WLS: variants seen among roughly 807,000 people sequenced by gnomAD.
WLS encodes the protein protein wntless homolog.
A neutral mutation model predicts 62.8 loss-of-function variants in WLS; 23 were observed. That is an observed-to-expected ratio of 0.37 (90% CI 0.26 to 0.52). The LOEUF (loss-of-function observed/expected upper bound fraction) is 0.52, where lower values mean the gene tolerates loss of function less well. WLS is among the 20% of genes least tolerant of loss of function. The pLI is 0.92. For missense variants in WLS, 615 were observed against 697.3 expected, an observed-to-expected ratio of 0.88 and a Z score of 1.33; for synonymous variants, 246 against 244.1, an observed-to-expected ratio of 1.01 and a Z score of -0.07.
intron 2 of WLS, among the ~76,000 whole-genome samples, chr1:68,189,402 T>C (rs1648160771): frequency 1.3e-5 from 2 of 152,220 alleles, no homozygotes; most frequent in Admixed American, 1.3e-4. Context: ...TTGTGAACAG[T>C]ATATTTTTTC....
At chr1:68,167,965 A>C (rs941977975) in intron 2 of WLS, among the ~76,000 whole-genome samples, 1 of 152,292 alleles carries the variant, frequency 6.6e-6, no homozygotes, top group South Asian at 2.1e-4. Context: ...GGAAGCATCA[A>C]CTAATTGTAT....
downstream of WLS, among the ~76,000 whole-genome samples, chr1:68,123,974 C>A (rs1646393966): frequency 9.2e-6 from 1 of 108,752 alleles, no homozygotes; most frequent in African/African-American, 2.9e-5. Context: ...CTAGAGTTGG[C>A]TCCTACTTAG....
At chr1:68,107,633 G>GA (rs923608168) in intron 11 of WLS, among the ~76,000 whole-genome samples, 2 of 152,066 alleles carry the variant, frequency 1.3e-5, no homozygotes, top group Non-Finnish European at 2.9e-5. Flanking sequence ...AGAGAAGGGG[G>GA]AAAAAAACAT....
intron 2 of WLS, chr1:68,162,440 C>T (rs1218618813): frequency 7.4e-6 from 12 of 1,613,756 alleles, no homozygotes; most frequent in Non-Finnish European, 9.3e-6. Flanking sequence ...AGGGATCGCT[C>T]GATCCCATCC....
At position 68,224,466 on chromosome 1, in the gene WLS, T is replaced by C. The variant is rs536631228; in HGVS notation, c.106+7728A>G. On this transcript the variant is annotated intron_variant, in intron 1 of 11. Transcript: ENST00000262348. Reference sequence around the variant, plus strand: ...TTCTTCAACAGCTACCTTCAGGACCTACGATGTATGCTAAATCCAGGGAAC... The same window carrying C: ...TTCTTCAACAGCTACCTTCAGGACCCACGATGTATGCTAAATCCAGGGAAC... 2.6e-4 allele frequency among the ~76,000 whole-genome samples: 39 copies of C among 152,332 alleles called. No individual in the cohort carries two copies. The South Asian group carries it at 7.2e-3, about 28-fold the overall frequency.
At chr1:68,133,160 C>CGT (rs776630076) in intron 11 of WLS, among the ~76,000 whole-genome samples, 4 of 151,902 alleles carry the variant, frequency 2.6e-5, no homozygotes, top group African/African-American at 4.8e-5. Flanking sequence ...TATATGTGCA[C>CGT]GTGTGTGTGT....
At chr1:68,103,361 C>A (rs1446630104) in intron 11 of WLS, among the ~76,000 whole-genome samples, 2 of 152,206 alleles carry the variant, frequency 1.3e-5, no homozygotes, top group African/African-American at 2.4e-5. Context: ...CAGGTTGGCT[C>A]CCCTTGTGAT....
At chr1:68,155,493 C>T (rs976198903) in intron 3 of WLS, among the ~76,000 whole-genome samples, 1 of 152,152 alleles carries the variant, frequency 6.6e-6, no homozygotes, top group Admixed American at 6.5e-5. Flanking sequence ...AAGGTAGAAC[C>T]AGAAATTTTA....
At chr1:68,217,299 T>A (rs1462831322) in intron 1 of WLS, among the ~76,000 whole-genome samples, 1 of 152,206 alleles carries the variant, frequency 6.6e-6, no homozygotes, top group African/African-American at 2.4e-5. Flanking sequence ...ACTTCTCCCA[T>A]GCACCAACAG....
intron 11 of WLS, among the ~76,000 whole-genome samples, chr1:68,114,424 A>G (rs964098249): frequency 2.0e-5 from 3 of 152,166 alleles, no homozygotes; most frequent in African/African-American, 7.2e-5. Flanking sequence ...AAGAATCTAT[A>G]ATGATGATGA....
intron 2 of WLS, among the ~76,000 whole-genome samples, chr1:68,185,178 TC>T (rs1647848222): frequency 6.6e-6 from 1 of 152,198 alleles, no homozygotes. Flanking sequence ...GAAAGCTCAG[TC>T]CCATAAGACT....
chr1:68,115,332 T>C (rs1646277049), intron 11 of WLS, among the ~76,000 whole-genome samples: 1 of 152,230 alleles, frequency 6.6e-6, no homozygotes, highest in Non-Finnish European at 1.5e-5. Flanking sequence ...CTCTGCTGTG[T>C]GGTCAGACAA....
At position 68,104,764 on chromosome 1, in the gene WLS, TA is replaced by T. The variant is rs369167883; in HGVS notation, c.1511-6012del. Among the ~76,000 whole-genome samples the T allele has an allele frequency of 2.2e-3, 333 of 152,182 alleles. 5 individuals carry two copies. The highest frequency in any genetic ancestry group is 7.6e-3 in the African/African-American group (315 of 41,524). On this transcript the variant is annotated intron_variant, in intron 11 of 11. Coordinates refer to the WLS transcript ENST00000354777. Reference sequence around the variant, plus strand: ...CCTCATCTCTACTAAAAATAATTTTTAAAAAAGTAGCCAGGTGTGGTGGTGC... The same window carrying T: ...CCTCATCTCTACTAAAAATAATTTTTAAAAAGTAGCCAGGTGTGGTGGTGC...
Position 68,105,893 on chromosome 1 carries a change from C to T in WLS, c.1511-7140G>A, listed in dbSNP as rs192446531. ...GAGAAAAGAGGAAAAAGGAATGCCC[C>T]GGGCTCCAAAAAGAAAAGGATATGG... On this transcript the variant is annotated intron_variant, in intron 11 of 11. Coordinates refer to the WLS transcript ENST00000354777. Among the ~76,000 whole-genome samples the T allele has an allele frequency of 1.4e-3, 214 of 152,122 alleles. 1 individual carries two copies. Among genetic ancestry groups the T allele is most frequent in the African/African-American group, 4.9e-3 (204 of 41,500 alleles).
chr1:68,124,919 T>C (rs569330721), downstream of WLS, among the ~76,000 whole-genome samples: 1 of 152,306 alleles, frequency 6.6e-6, no homozygotes, highest in South Asian at 2.1e-4. Context: ...CACTTCCATA[T>C]ATATGAACTG....
chr1:68,193,877 A>C, intron 2 of WLS, 78 bp downstream of exon 2: 1 of 1,527,400 alleles, frequency 6.5e-7, no homozygotes, highest in Non-Finnish European at 8.8e-7. Context: ...TTTTACTTTT[A>C]TTAGAATTGG....
In WLS at chr1:68,125,575, A is replaced by G. The variant is rs1646417560; in HGVS notation, c.*651T>C. 11 of 985,464 alleles carry G rather than the reference A, an allele frequency of 1.1e-5. No individual in the cohort carries two copies. The highest frequency in any genetic ancestry group is 1.7e-5 in the African/African-American group (1 of 57,372). 61.0% of individuals were successfully genotyped at this position (985,464 alleles called of 1,614,324 possible). A position where few individuals can be genotyped will look rare whatever the true frequency, so the allele number is the denominator to read the frequency against. On this transcript the variant is annotated 3_prime_UTR_variant, in exon 12 of 12. Coordinates refer to ENST00000262348, the MANE Select transcript of WLS (RefSeq NM_024911.7). ...TTAGCAAACATTTTTTAAAACCCAC[A>G]TCCAACAGATTGGTTAGTATTAGAT... is the stretch of plus-strand genomic sequence containing the variant.
At chr1:68,198,377 A>T (rs1051820650) in intron 1 of WLS, among the ~76,000 whole-genome samples, 1 of 152,186 alleles carries the variant, frequency 6.6e-6, no homozygotes, top group Non-Finnish European at 1.5e-5. Flanking sequence ...TTTTGTCTGT[A>T]TTTCAATACA....
intron 1 of WLS, among the ~76,000 whole-genome samples, chr1:68,209,870 G>T (rs1391993611): frequency 6.6e-6 from 1 of 152,130 alleles, no homozygotes; most frequent in Non-Finnish European, 1.5e-5. Flanking sequence ...CTCATCCAAG[G>T]TCACAGCCAA....
Sources: gnomAD v4.1 joint callset for allele counts (sites outside exome capture counted in the v4.1 genomes callset) on GRCh38, gnomAD v4.1.1 for gene constraint, MANE v1.5 for transcripts, NCBI Gene and HGNC (gene_info 2026-07-23, HGNC 2026-07-21) for gene names.